The following MED13 variants were observed in gnomAD, a reference collection of about 807,000 sequenced individuals.
The protein encoded by MED13 is mediator complex subunit 13.
In MED13, 23 loss-of-function variants were observed where a neutral mutation model predicts 225.2. That is an observed-to-expected ratio of 0.10 (90% CI 0.07 to 0.14). MED13 has a LOEUF of 0.14. Among genes scored for constraint, MED13 ranks in the 10% least tolerant of loss-of-function variants. The probability of loss-of-function intolerance (pLI) is 1.00; values close to 1 mark genes in which losing one functional copy is unlikely to be tolerated. For missense variants in MED13, 2,197 were observed against 2,594.5 expected (o/e 0.85, Z 3.33); for synonymous variants, 942 against 889.2 (o/e 1.06, Z -1.06).
chr17:62,038,257 G>A (rs2080822883), intron 3 of MED13, among the ~76,000 whole-genome samples: 1 of 151,988 alleles, frequency 6.6e-6, no homozygotes, highest in South Asian at 2.1e-4. Flanking sequence ...AGCTAGGTGG[G>A]GTGTGGTGCA....
chr17:62,000,870 C>A (rs2080388639), intron 9 of MED13, among the ~76,000 whole-genome samples: 1 of 152,160 alleles, frequency 6.6e-6, no homozygotes, highest in South Asian at 2.1e-4. Context: ...TTAAGCGATT[C>A]TCCTACCTCA....
chr17:61,975,860 A>G (rs2080151020), intron 16 of MED13, among the ~76,000 whole-genome samples: 1 of 152,158 alleles, frequency 6.6e-6, no homozygotes, highest in South Asian at 2.1e-4. Context: ...TACTAAAAAT[A>G]CAAAAATTAG....
At chr17:62,064,844 G>C (rs893672938) in intron 1 of MED13, among the ~76,000 whole-genome samples, 1 of 152,172 alleles carries the variant, frequency 6.6e-6, no homozygotes, top group South Asian at 2.1e-4. Context: ...AAGACAAGAG[G>C]GAAAGGTTAC....
At chr17:61,978,344 TG>T (rs1456768929) in intron 16 of MED13, among the ~76,000 whole-genome samples, 6 of 152,084 alleles carry the variant, frequency 3.9e-5, no homozygotes, top group African/African-American at 1.2e-4. Flanking sequence ...ATCCACCTCA[TG>T]GGGTCAAGCA....
At chr17:62,036,276 T>C (rs1214651784) in intron 3 of MED13, among the ~76,000 whole-genome samples, 1 of 152,100 alleles carries the variant, frequency 6.6e-6, no homozygotes, top group African/African-American at 2.4e-5. Flanking sequence ...TCCCAACCAA[T>C]AACATTATTT....
intron 20 of MED13, among the ~76,000 whole-genome samples, chr17:61,963,341 G>A (rs569596232): frequency 1.3e-3 from 197 of 151,802 alleles, no homozygotes; most frequent in African/African-American, 4.6e-3. Context: ...CTTTGTCTGA[G>A]GCTATCTCAA....
At chr17:61,993,944 CAAACAA>C (rs1490464447) in intron 10 of MED13, among the ~76,000 whole-genome samples, 3 of 114,736 alleles carry the variant, frequency 2.6e-5, no homozygotes, top group East Asian at 2.2e-4. Flanking sequence ...AACAAACAAA[CAAACAA>C]AAAAAAAAAC....
intron 8 of MED13, among the ~76,000 whole-genome samples, chr17:62,024,876 T>TA (rs2080685299): frequency 6.6e-6 from 1 of 152,220 alleles, no homozygotes; most frequent in South Asian, 2.1e-4. Flanking sequence ...CATTTTTTTT[T>TA]ATGGCTGCAC....
intron 16 of MED13, among the ~76,000 whole-genome samples, chr17:61,980,230 T>C (rs2080192464): frequency 6.6e-6 from 1 of 152,056 alleles, no homozygotes; most frequent in South Asian, 2.1e-4. Context: ...ACCTGATTTC[T>C]AGGATACCAT....
chr17:61,993,725 T>C (rs1603398985), intron 10 of MED13, among the ~76,000 whole-genome samples: 2 of 151,706 alleles, frequency 1.3e-5, no homozygotes, highest in South Asian at 4.2e-4. Flanking sequence ...AGGTCAGCAG[T>C]TCAAGACCAG....
chr17:62,008,814 GAAAAC>G (rs1325297923), intron 9 of MED13, among the ~76,000 whole-genome samples: 1 of 151,928 alleles, frequency 6.6e-6, no homozygotes, highest in Non-Finnish European at 1.5e-5. Context: ...CTAGAGAGCT[GAAAAC>G]AAGTCTAGAA....
At chr17:62,031,785 G>T in intron 5 of MED13, 147 bp from the exon 6 acceptor site, 9 of 416,624 alleles carry the variant, frequency 2.2e-5, no homozygotes, top group Non-Finnish European at 2.7e-5. Context: ...TTTGGCATAA[G>T]TTTTTCTTTT....
intron 8 of MED13, among the ~76,000 whole-genome samples, chr17:62,027,594 A>C (rs2080714847): frequency 6.6e-6 from 1 of 152,216 alleles, no homozygotes; most frequent in Non-Finnish European, 1.5e-5. Context: ...ATCTAATTAA[A>C]CTAAAGAGCA....
At chr17:62,027,967 G>GA (rs2080718735) in intron 8 of MED13, among the ~76,000 whole-genome samples, 1 of 152,152 alleles carries the variant, frequency 6.6e-6, no homozygotes, top group African/African-American at 2.4e-5. Context: ...TGATGGAAGT[G>GA]AAAATAGTTC....
intron 20 of MED13, 68 bp from the exon 21 acceptor site, chr17:61,963,039 T>C (rs2080017085): frequency 1.5e-6 from 2 of 1,293,992 alleles, no homozygotes; most frequent in East Asian, 2.3e-5. Context: ...TCTAAGCAGG[T>C]TCTTAATATC....
chr17:62,024,025 T>TTC, intron 8 of MED13, among the ~76,000 whole-genome samples: 1 of 150,576 alleles, frequency 6.6e-6, no homozygotes, highest in East Asian at 1.9e-4. Context: ...AAAAATGACT[T>TTC]TTTTTTTTTT....
Position 61,953,012 on chromosome 17 carries a change from C to T in MED13, c.6070G>A (p.Val2024Ile). ...ILPASPTGSP[V>I]HSPGSHYPHG... The stretch of plus-strand genomic sequence containing the variant: ...GGGTAATGAGATCCTGGAGAATGTA[C>T]AGGAGAACCAGTTGGAGAAGCAGGA... The change falls in exon 27 of 30, where the codon GTA (valine) becomes ATA (isoleucine). Residue 2024 changes from valine (V) to isoleucine (I), a missense_variant. Physicochemically the swap from Val to Ile is conservative, Grantham distance 29. Coordinates refer to ENST00000397786, the MANE Select transcript of MED13 (RefSeq NM_005121.3). 1.2e-6 allele frequency: 2 copies of T among 1,614,032 alleles called. No individual in the cohort carries two copies. Among genetic ancestry groups the T allele is most frequent in the Non-Finnish European group, 8.5e-7 (1 of 1,179,974 alleles).
Position 61,946,351 on chromosome 17 carries a change from A to T in MED13, c.*117T>A. 8.3e-7 allele frequency: 1 copy of T among 1,203,740 alleles called. No homozygotes were observed. 74.6% of individuals were successfully genotyped at this position (1,203,740 alleles called of 1,614,324 possible). ...AGTCAAAACAATATTTGTTGAAGTA[A>T]TAAGAATTAGACCCCATCACAAATG... is the stretch of plus-strand genomic sequence containing the variant. On this transcript the variant is annotated 3_prime_UTR_variant, in exon 30 of 30. Coordinates refer to ENST00000397786, the MANE Select transcript of MED13 (RefSeq NM_005121.3).
At chr17:61,979,091 T>C (rs775338916) in intron 16 of MED13, among the ~76,000 whole-genome samples, 6 of 152,198 alleles carry the variant, frequency 3.9e-5, no homozygotes, top group Non-Finnish European at 5.9e-5. Flanking sequence ...AAATAATACA[T>C]TTAGTTGTGC....
Sources: gnomAD v4.1 joint callset for allele counts (sites outside exome capture counted in the v4.1 genomes callset) on GRCh38, gnomAD v4.1.1 for gene constraint, MANE v1.5 for transcripts, NCBI Gene and HGNC (gene_info 2026-07-23, HGNC 2026-07-21) for gene names.